Variants in EPHA6 observed in about 807,000 individuals in gnomAD.
The protein encoded by EPHA6 is EPH receptor A6, also known as ephrin type-A receptor 6.
EPHA6 carries 50 observed loss-of-function variants against 112.0 expected under a neutral mutation model. The observed-to-expected ratio is 0.45, with a 90% confidence interval of 0.36 to 0.56. EPHA6 has a LOEUF of 0.56. EPHA6 is among the 20% of genes least tolerant of loss of function. The pLI is 0.00. For missense variants in EPHA6, 1,280 were observed against 1,417.4 expected (o/e 0.90, Z 1.56); for synonymous variants, 529 against 490.7 (o/e 1.08, Z -1.03).
At chr3:97,108,520 A>G (rs2047633246) in intron 3 of EPHA6, among the ~76,000 whole-genome samples, 1 of 152,136 alleles carries the variant, frequency 6.6e-6, no homozygotes, top group African/African-American at 2.4e-5. Flanking sequence ...AAAGAACACA[A>G]TACTTACGTC....
At position 96,970,238 on chromosome 3, in the gene EPHA6, T is replaced by TACACACAC. The variant is rs370673260; in HGVS notation, c.451-17070_451-17063dup. On this transcript the variant is annotated intron_variant, in intron 2 of 17. Coordinates refer to ENST00000389672, the MANE Select transcript of EPHA6 (RefSeq NM_001080448.3). ...CGTTTTCCTCTTCTCTGCCTCTTCA[T>TACACACAC]ACACACACACACACACACACACACA... is the stretch of plus-strand genomic sequence containing the variant. Among the ~76,000 whole-genome samples the TACACACAC allele has an allele frequency of 3.6e-3, 512 of 143,996 alleles. 5 individuals are homozygous for TACACACAC. The highest frequency in any genetic ancestry group is 0.012 in the African/African-American group (462 of 39,700). 94.5% of individuals were successfully genotyped at this position (143,996 alleles called of 152,430 possible).
chr3:97,084,119 TATATGG>T (rs1326150890), intron 3 of EPHA6, among the ~76,000 whole-genome samples: 19 of 102,926 alleles, frequency 1.8e-4, no homozygotes, highest in African/African-American at 7.1e-4. Context: ...TATATATATA[TATATGG>T]ATATATATCC....
chr3:97,520,984 T>C (rs1438686986), intron 10 of EPHA6, among the ~76,000 whole-genome samples: 2 of 152,086 alleles, frequency 1.3e-5, no homozygotes, highest in Non-Finnish European at 2.9e-5. Flanking sequence ...AGTCTATTCT[T>C]GAACCTTTTG....
At chr3:97,566,490 T>A (rs993898971) in intron 11 of EPHA6, among the ~76,000 whole-genome samples, 5 of 152,230 alleles carry the variant, frequency 3.3e-5, no homozygotes, top group African/African-American at 1.2e-4. Flanking sequence ...GCTAGGATTG[T>A]ATGAGTAGTG....
intron 2 of EPHA6, among the ~76,000 whole-genome samples, chr3:96,875,552 A>G (rs2036895118): frequency 6.6e-6 from 1 of 152,120 alleles, no homozygotes; most frequent in Admixed American, 6.6e-5. Context: ...AGCAGGTAAC[A>G]ATGATTTAAT....
At chr3:97,134,248 T>C (rs1468867589) in intron 3 of EPHA6, among the ~76,000 whole-genome samples, 3 of 152,136 alleles carry the variant, frequency 2.0e-5, no homozygotes, top group Non-Finnish European at 2.9e-5. Flanking sequence ...GCTATATATT[T>C]AGATTGCTTC....
chr3:97,624,432 T>C (rs2093839049), intron 13 of EPHA6, among the ~76,000 whole-genome samples: 2 of 151,666 alleles, frequency 1.3e-5, no homozygotes. Flanking sequence ...ACTTTTAACA[T>C]GCTGCTGAAT....
intron 5 of EPHA6, among the ~76,000 whole-genome samples, chr3:97,336,201 G>C (rs1237948585): frequency 6.6e-6 from 1 of 152,118 alleles, no homozygotes; most frequent in Non-Finnish European, 1.5e-5. Context: ...GGTTTGGTTT[G>C]AGAAAGAGCT....
intron 13 of EPHA6, among the ~76,000 whole-genome samples, chr3:97,620,561 A>T (rs1173451878): frequency 6.6e-6 from 1 of 152,080 alleles, no homozygotes; most frequent in Admixed American, 6.6e-5. Flanking sequence ...GAACTTAAAC[A>T]AATTTACAAG....
chr3:96,876,790 C>T (rs1283142094), intron 2 of EPHA6, among the ~76,000 whole-genome samples: 2 of 152,074 alleles, frequency 1.3e-5, no homozygotes, highest in African/African-American at 4.8e-5. Context: ...CTCCAACCCC[C>T]ACTTTCTCTA....
chr3:97,695,039 G>A (rs893891331), intron 14 of EPHA6, among the ~76,000 whole-genome samples: 6 of 152,132 alleles, frequency 3.9e-5, no homozygotes, highest in Non-Finnish European at 8.8e-5. Flanking sequence ...GACAGCTAGT[G>A]TATTACATAT....
chr3:97,397,445 C>G (rs181389686), intron 5 of EPHA6, among the ~76,000 whole-genome samples: 1 of 151,726 alleles, frequency 6.6e-6, no homozygotes, highest in Admixed American at 6.6e-5. Context: ...AACTCTGCAG[C>G]TTTCATATAT....
chr3:97,468,833 A>G (rs1255718461), intron 7 of EPHA6, among the ~76,000 whole-genome samples: 1 of 151,644 alleles, frequency 6.6e-6, no homozygotes, highest in Non-Finnish European at 1.5e-5. Context: ...TACCTATACT[A>G]TGTATGGCTT....
chr3:97,234,456 A>G (rs189346991), intron 4 of EPHA6, among the ~76,000 whole-genome samples: 74 of 152,274 alleles, frequency 4.9e-4, no homozygotes, highest in Admixed American at 4.6e-3. Flanking sequence ...TCACTCTACT[A>G]CAAGAAGATT....
intron 3 of EPHA6, among the ~76,000 whole-genome samples, chr3:97,202,458 G>T (rs1377552745): frequency 6.6e-6 from 1 of 151,068 alleles, no homozygotes; most frequent in Non-Finnish European, 1.5e-5. Flanking sequence ...AAGTCTCCAT[G>T]GTACCTGAGA....
At position 97,244,549 on chromosome 3, in the gene EPHA6, A is replaced by G. The variant is rs1029034308; in HGVS notation, c.1606+262A>G. On this transcript the variant is annotated intron_variant, in intron 5 of 17. Transcript: ENST00000389672. ...ATGTATTTTGTATAATCATATAACAATATATCTTAATGAGTAAGTCCATAT... is the reference window on the plus strand; with the variant it reads ...ATGTATTTTGTATAATCATATAACAGTATATCTTAATGAGTAAGTCCATAT... 17 of 453,230 alleles carry G rather than the reference A, an allele frequency of 3.8e-5. No homozygotes were observed. In the Admixed American group the frequency reaches 4.6e-4, roughly 12 times the overall value. 28.1% of individuals were successfully genotyped at this position (453,230 alleles called of 1,614,324 possible).
chr3:97,060,991 A>G (rs549409708), intron 3 of EPHA6, among the ~76,000 whole-genome samples: 16 of 151,096 alleles, frequency 1.1e-4, no homozygotes, highest in Middle Eastern at 3.4e-3. Context: ...TAATAAACCC[A>G]AGGATAAAAA....
chr3:96,965,419 A>G (rs932107232), intron 2 of EPHA6, among the ~76,000 whole-genome samples: 2 of 152,098 alleles, frequency 1.3e-5, no homozygotes, highest in African/African-American at 4.8e-5. Flanking sequence ...GTATCTTTAT[A>G]TTTTAATGAG....
intron 5 of EPHA6, among the ~76,000 whole-genome samples, chr3:97,305,544 G>T (rs1490572019): frequency 6.6e-6 from 1 of 151,846 alleles, no homozygotes; most frequent in Non-Finnish European, 1.5e-5. Context: ...GCCATAAAAA[G>T]GAATGATAAC....
Sources: allele counts gnomAD v4.1 joint callset (sites outside exome capture counted in the v4.1 genomes callset), GRCh38; gene constraint gnomAD v4.1.1; transcripts MANE v1.5; gene names NCBI Gene and HGNC (gene_info 2026-07-23, HGNC 2026-07-21).